ASTN1: variants seen among roughly 807,000 people sequenced by gnomAD.
ASTN1 encodes astrotactin 1.
In ASTN1, 41 loss-of-function variants were observed where a neutral mutation model predicts 140.7. The ratio of observed to expected loss-of-function variants is 0.29; its 90% CI spans 0.23 to 0.38. The LOEUF (loss-of-function observed/expected upper bound fraction) is 0.38. Ranked by LOEUF, ASTN1 falls within the 10% of genes least tolerant of loss-of-function variation. The probability of loss-of-function intolerance (pLI) is 1.00; values close to 1 mark genes in which losing one functional copy is unlikely to be tolerated. For missense variants in ASTN1, 1,479 were observed against 1,678.8 expected, an observed-to-expected ratio of 0.88 and a Z score of 2.08; for synonymous variants, 640 against 652.2, an observed-to-expected ratio of 0.98 and a Z score of 0.29.
At chr1:177,016,641 TC>T (rs1371694829) in intron 7 of ASTN1, among the ~76,000 whole-genome samples, 4 of 152,088 alleles carry the variant, frequency 2.6e-5, no homozygotes, top group Non-Finnish European at 5.9e-5. Flanking sequence ...CCTTCTCAAT[TC>T]CAAAGAAAGC....
At chr1:176,926,545 C>G (rs1670979186) in intron 16 of ASTN1, among the ~76,000 whole-genome samples, 1 of 152,220 alleles carries the variant, frequency 6.6e-6, no homozygotes, top group Admixed American at 6.5e-5. Flanking sequence ...GGAACAGCTG[C>G]CTTCTCTAAA....
At chr1:177,054,421 G>T (rs1459396482) in intron 2 of ASTN1, among the ~76,000 whole-genome samples, 2 of 152,144 alleles carry the variant, frequency 1.3e-5, no homozygotes, top group African/African-American at 4.8e-5. Flanking sequence ...TTAGGTCTTA[G>T]TCTGTTTGTT....
chr1:177,036,249 C>T (rs1332480809), intron 2 of ASTN1, among the ~76,000 whole-genome samples: 2 of 151,818 alleles, frequency 1.3e-5, no homozygotes, highest in South Asian at 2.1e-4. Flanking sequence ...GGGGTTTCTC[C>T]ATGTTGAGGC....
intron 16 of ASTN1, among the ~76,000 whole-genome samples, chr1:176,915,759 G>A (rs968136601): frequency 6.6e-6 from 1 of 152,218 alleles, no homozygotes; most frequent in Non-Finnish European, 1.5e-5. Context: ...GCGGGGAGGA[G>A]AGGGAGGGCA....
chr1:176,984,023 C>T (rs1246192311), intron 8 of ASTN1, among the ~76,000 whole-genome samples: 2 of 152,182 alleles, frequency 1.3e-5, no homozygotes, highest in African/African-American at 4.8e-5. Context: ...AAGCCGACTG[C>T]AAGAGGAGAC....
chr1:177,044,393 G>A (rs1677118922), intron 2 of ASTN1, among the ~76,000 whole-genome samples: 1 of 152,068 alleles, frequency 6.6e-6, no homozygotes, highest in African/African-American at 2.4e-5. Flanking sequence ...GTGGGGTGCA[G>A]GTAAAGAGTC....
intron 17 of ASTN1, among the ~76,000 whole-genome samples, chr1:176,892,958 T>C (rs187233979): frequency 5.9e-5 from 9 of 152,242 alleles, no homozygotes; most frequent in Admixed American, 3.3e-4. Context: ...GTTCAAAAGA[T>C]GGCCAGATGG....
chr1:176,887,799 ACCT>A (rs1214659420), intron 18 of ASTN1, among the ~76,000 whole-genome samples: 1 of 151,638 alleles, frequency 6.6e-6, no homozygotes, highest in Admixed American at 6.6e-5. Flanking sequence ...TTCAAGCGCC[ACCT>A]CCTCCACAGA....
At chr1:176,971,794 T>C (rs1277462857) in intron 8 of ASTN1, among the ~76,000 whole-genome samples, 2 of 152,162 alleles carry the variant, frequency 1.3e-5, no homozygotes, top group Non-Finnish European at 2.9e-5. Context: ...TCCACTGTGT[T>C]GCAAATGAGG....
chr1:176,870,527 G>A (rs998954830), intron 21 of ASTN1, among the ~76,000 whole-genome samples: 4 of 152,194 alleles, frequency 2.6e-5, no homozygotes, highest in Non-Finnish European at 5.9e-5. Flanking sequence ...ACTATCCTGA[G>A]TGGCTAGCAC....
chr1:176,969,455 G>C (rs1232886801), intron 8 of ASTN1, among the ~76,000 whole-genome samples: 1 of 152,096 alleles, frequency 6.6e-6, no homozygotes, highest in Admixed American at 6.5e-5. Context: ...CTCTCGGCCG[G>C]GTAAGCAGAG....
At chr1:176,882,113 C>A (rs1668826817) in intron 20 of ASTN1, among the ~76,000 whole-genome samples, 1 of 152,184 alleles carries the variant, frequency 6.6e-6, no homozygotes, top group Non-Finnish European at 1.5e-5. Flanking sequence ...GTTTCCAGAG[C>A]ACAGGGAGAA....
In ASTN1 at chr1:177,032,824, G is replaced by A; in HGVS notation, c.497C>T (p.Ser166Phe). Reference protein sequence around the residue: ...VMGGMIALLLSILCLVMILYT... With the variant: ...VMGGMIALLLFILCLVMILYT... ...CAGGATCATCACCAGGCACAAGATGGACAGCAGCAGAGCGATCATGCCACC... is the reference window on the plus strand; with the variant it reads ...CAGGATCATCACCAGGCACAAGATGAACAGCAGCAGAGCGATCATGCCACC... The change falls in exon 3 of 23, where the codon TCC becomes TTC. Residue 166 changes from serine (S) to phenylalanine (F), a missense_variant. Around this residue, in one of 3 missense-constraint regions of ASTN1, gnomAD observed 729 missense variants for 860.4 expected, o/e 0.85. Coordinates refer to ENST00000361833, the MANE Select transcript of ASTN1 (RefSeq NM_004319.3). 1 of 1,608,020 alleles carries A rather than the reference G, an allele frequency of 6.2e-7. No homozygotes were observed. Among genetic ancestry groups the A allele is most frequent in the Non-Finnish European group, 8.5e-7 (1 of 1,177,492 alleles).
At chr1:176,944,954 A>G (rs1188429167) in intron 13 of ASTN1, among the ~76,000 whole-genome samples, 2 of 152,232 alleles carry the variant, frequency 1.3e-5, no homozygotes, top group East Asian at 3.8e-4. Context: ...CTGTCTTGAA[A>G]ATTGACTATC....
chr1:176,924,927 A>G (rs1053963008), intron 16 of ASTN1, among the ~76,000 whole-genome samples: 1 of 152,212 alleles, frequency 6.6e-6, no homozygotes, highest in Non-Finnish European at 1.5e-5. Flanking sequence ...TACTGTTTTA[A>G]GCAACCTAGA....
At chr1:176,902,024 A>G (rs1035103138) in intron 16 of ASTN1, among the ~76,000 whole-genome samples, 6 of 152,180 alleles carry the variant, frequency 3.9e-5, no homozygotes, top group Admixed American at 3.9e-4. Context: ...TGTCATAATC[A>G]TGCCCTGCAG....
intron 1 of ASTN1, 83 bp from the exon 2 acceptor site, chr1:177,061,348 T>C (rs1302820370): frequency 9.8e-6 from 13 of 1,333,234 alleles, no homozygotes; most frequent in Non-Finnish European, 1.3e-5. Flanking sequence ...TTGTACCAAT[T>C]AGCCAGTTTC....
Position 176,861,750 on chromosome 1 carries a change from G to C in ASTN1, c.*2534C>G. On this transcript the variant is annotated 3_prime_UTR_variant, in exon 23 of 23. Coordinates refer to ENST00000361833, the MANE Select transcript of ASTN1 (RefSeq NM_004319.3). ...AGAACTCAACGAGAAACAGGAGGAA[G>C]AAAGTCTTGGGGAAAGAGGAGGCCA... 1.0e-6 allele frequency: 1 copy of C among 985,466 alleles called. No individual in the cohort carries two copies. Among genetic ancestry groups the C allele is most frequent in the Non-Finnish European group, 1.2e-6 (1 of 829,996 alleles). The allele number at this position is 985,466 out of a possible 1,614,324, so 61.0% of individuals were successfully genotyped here.
intron 1 of ASTN1, among the ~76,000 whole-genome samples, chr1:177,119,594 C>T (rs1038187941): frequency 6.6e-6 from 1 of 152,128 alleles, no homozygotes. Context: ...TCCTTCTCTC[C>T]TTCTTTCCTC....
Sources: allele counts gnomAD v4.1 joint callset (sites outside exome capture counted in the v4.1 genomes callset), GRCh38; gene constraint gnomAD v4.1.1; regional missense constraint gnomAD v4.1.1; transcripts MANE v1.5; gene names NCBI Gene and HGNC (gene_info 2026-07-23, HGNC 2026-07-21).